CCDC60: variants seen among roughly 807,000 people sequenced by gnomAD.
CCDC60 encodes coiled-coil domain-containing protein 60.
A neutral mutation model predicts 63.5 loss-of-function variants in CCDC60; 54 were observed. The ratio of observed to expected loss-of-function variants is 0.85; its 90% CI spans 0.68 to 1.07. CCDC60 has a LOEUF of 1.07. Among genes scored for constraint, CCDC60 ranks in the 50% least tolerant of loss-of-function variants. The probability of loss-of-function intolerance (pLI) is 0.00; values close to 1 mark genes in which losing one functional copy is unlikely to be tolerated. For synonymous variants in CCDC60, 206 were observed against 238.8 expected (o/e 0.86, Z 1.27); for missense variants, 651 against 684.3 (o/e 0.95, Z 0.54).
At chr12:119,527,352 C>T (rs1005994092) in intron 11 of CCDC60, among the ~76,000 whole-genome samples, 36 of 152,136 alleles carry the variant, frequency 2.4e-4, no homozygotes, top group African/African-American at 8.5e-4. Flanking sequence ...ATATGTACAA[C>T]AAACCCCCGT....
chr12:119,433,273 ATACAGG>A (rs1950265013), intron 2 of CCDC60: 1 of 626,252 alleles, frequency 1.6e-6, no homozygotes, highest in Non-Finnish European at 2.8e-6. Flanking sequence ...ATAAAAGGTG[ATACAGG>A]CAACAGTTGT....
At chr12:119,386,075 C>G (rs549556597) in intron 1 of CCDC60, among the ~76,000 whole-genome samples, 1 of 152,324 alleles carries the variant, frequency 6.6e-6, no homozygotes, top group East Asian at 1.9e-4. Context: ...AACCATTCAA[C>G]CATTTATTTG....
chr12:119,368,092 G>A (rs1291981660), intron 1 of CCDC60, among the ~76,000 whole-genome samples: 2 of 149,784 alleles, frequency 1.3e-5, no homozygotes, highest in African/African-American at 2.5e-5. Context: ...AGGAGGGGGA[G>A]GAGGAGGGAA....
At chr12:119,518,168 A>G (rs1274925857) in intron 8 of CCDC60, among the ~76,000 whole-genome samples, 1 of 152,152 alleles carries the variant, frequency 6.6e-6, no homozygotes, top group Non-Finnish European at 1.5e-5. Context: ...ACTCAGAGAC[A>G]ATGCTGACCC....
At chr12:119,532,046 T>C (rs1952857386) in intron 13 of CCDC60, among the ~76,000 whole-genome samples, 1 of 152,164 alleles carries the variant, frequency 6.6e-6, no homozygotes, top group Admixed American at 6.5e-5. Flanking sequence ...AGGAGGGCCC[T>C]TCCACAGAAT....
intron 1 of CCDC60, among the ~76,000 whole-genome samples, chr12:119,378,469 C>G (rs1955976881): frequency 6.6e-6 from 1 of 152,230 alleles, no homozygotes; most frequent in African/African-American, 2.4e-5. Flanking sequence ...TAATTTCTTT[C>G]TAGCTCCTGT....
chr12:119,465,721 G>A (rs1483402635), intron 2 of CCDC60, among the ~76,000 whole-genome samples: 2 of 151,030 alleles, frequency 1.3e-5, no homozygotes, highest in Non-Finnish European at 2.9e-5. Flanking sequence ...CGGTGCCACT[G>A]CACTCCAGCC....
intron 1 of CCDC60, among the ~76,000 whole-genome samples, chr12:119,405,330 A>G (rs926664614): frequency 2.0e-5 from 3 of 152,210 alleles, no homozygotes; most frequent in African/African-American, 2.4e-5. Context: ...TTCTTACTCA[A>G]TTACATTTCC....
At chr12:119,540,511 C>A in intron 13 of CCDC60, 103 bp from the exon 14 acceptor site, 1 of 807,994 alleles carries the variant, frequency 1.2e-6, no homozygotes, top group Non-Finnish European at 2.1e-6. Flanking sequence ...CCTGGGGCCA[C>A]CAGTCTCAGT....
intron 3 of CCDC60, among the ~76,000 whole-genome samples, chr12:119,476,389 A>G (rs953979609): frequency 6.6e-6 from 1 of 152,240 alleles, no homozygotes; most frequent in African/African-American, 2.4e-5. Flanking sequence ...CAGTAAGAAA[A>G]GGTCACAGCA....
At chr12:119,445,939 G>C (rs539870923) in intron 2 of CCDC60, among the ~76,000 whole-genome samples, 1 of 152,236 alleles carries the variant, frequency 6.6e-6, no homozygotes, top group Admixed American at 6.5e-5. Context: ...GGGACGGGGG[G>C]TGAGGGACAA....
chr12:119,345,033 A>G (rs997637384), intron 1 of CCDC60, among the ~76,000 whole-genome samples: 2 of 152,120 alleles, frequency 1.3e-5, no homozygotes, highest in Admixed American at 1.3e-4. Flanking sequence ...TATCTTCCCT[A>G]GGAAACTGTA....
intron 5 of CCDC60, among the ~76,000 whole-genome samples, chr12:119,497,673 C>CT (rs1423537068): frequency 6.6e-6 from 1 of 151,864 alleles, no homozygotes; most frequent in East Asian, 1.9e-4. Context: ...GAGAAGAAGG[C>CT]TGGAGGCTCA....
intron 1 of CCDC60, among the ~76,000 whole-genome samples, chr12:119,360,252 C>T (rs1955764925): frequency 6.7e-6 from 1 of 149,708 alleles, no homozygotes; most frequent in Admixed American, 6.6e-5. Flanking sequence ...GGCAGAGGCG[C>T]CCCTCACCTC....
chr12:119,446,784 T>G (rs1454011729), intron 2 of CCDC60, among the ~76,000 whole-genome samples: 2 of 152,126 alleles, frequency 1.3e-5, no homozygotes, highest in Admixed American at 6.6e-5. Context: ...TTTTGTTTTT[T>G]TTTAATTTGT....
chr12:119,405,071 C>T (rs1357824327), intron 1 of CCDC60, among the ~76,000 whole-genome samples: 1 of 152,310 alleles, frequency 6.6e-6, no homozygotes, highest in Non-Finnish European at 1.5e-5. Flanking sequence ...TCTATTCAGG[C>T]TTTCACGTTT....
chr12:119,394,846 A>G (rs190899462), intron 1 of CCDC60, among the ~76,000 whole-genome samples: 2 of 152,344 alleles, frequency 1.3e-5, no homozygotes, highest in African/African-American at 4.8e-5. Context: ...GCAGATGCAT[A>G]AAACAAGTAA....
Position 119,507,602 on chromosome 12 carries a change from ATATATATATATATTTTTT to A in CCDC60, c.883+2301_883+2318del, listed in dbSNP as rs1566050714. Reference sequence around the variant, plus strand: ...TACACATATATATACATATATATATATATATATATATATTTTTTTTTTTTTTTTCTAGAAACAGGGTCT... The same window carrying A: ...TACACATATATATACATATATATATATTTTTTTTTTCTAGAAACAGGGTCT... On this transcript the variant is annotated intron_variant, in intron 7 of 13. Transcript: ENST00000327554. Among the ~76,000 whole-genome samples, 96 of 23,840 alleles carry A rather than the reference ATATATATATATATTTTTT, an allele frequency of 4.0e-3. 2 individuals are homozygous for A. The highest frequency in any genetic ancestry group is 0.025 in the African/African-American group (92 of 3,652). The allele number at this position is 23,840 out of a possible 152,430, so 15.6% of individuals were successfully genotyped here. A position where few individuals can be genotyped will look rare whatever the true frequency, so the allele number is the denominator to read the frequency against.
chr12:119,389,061 A>G (rs1226611277), intron 1 of CCDC60, among the ~76,000 whole-genome samples: 1 of 152,174 alleles, frequency 6.6e-6, no homozygotes, highest in Non-Finnish European at 1.5e-5. Context: ...TCCCATGCTC[A>G]TGCACATTCA....
Sources: allele counts gnomAD v4.1 joint callset (sites outside exome capture counted in the v4.1 genomes callset), GRCh38; gene constraint gnomAD v4.1.1; transcripts MANE v1.5; gene names NCBI Gene and HGNC (gene_info 2026-07-23, HGNC 2026-07-21).